CR1L: variants seen among roughly 807,000 people sequenced by gnomAD.
CR1L encodes the protein complement C3b/C4b receptor 1 like.
CR1L carries 59 observed loss-of-function variants against 62.3 expected under a neutral mutation model. That is an observed-to-expected ratio of 0.95 (90% CI 0.77 to 1.18). The LOEUF is 1.18. Among genes scored for constraint, CR1L ranks in the 50% most tolerant of loss-of-function variants. The pLI is 0.00. For missense variants in CR1L, 700 were observed against 702.8 expected (o/e 1.00, Z 0.04); for synonymous variants, 279 against 248.7 (o/e 1.12, Z -1.15).
intron 1 of CR1L, among the ~76,000 whole-genome samples, chr1:207,646,024 G>A (rs2102434717): frequency 6.6e-6 from 1 of 152,256 alleles, no homozygotes; most frequent in Non-Finnish European, 1.5e-5. Context: ...TGGGGTTAGA[G>A]AGGTGGTAAG....
intron 1 of CR1L, chr1:207,669,042 A>T (rs1397795732): frequency 9.2e-6 from 2 of 216,862 alleles, no homozygotes; most frequent in Non-Finnish European, 1.8e-5. Context: ...CAGGCATTTC[A>T]TTAGCTGACC....
chr1:207,691,901 T>C (rs1195516804), intron 4 of CR1L, among the ~76,000 whole-genome samples: 1 of 152,208 alleles, frequency 6.6e-6, no homozygotes, highest in Non-Finnish European at 1.5e-5. Context: ...CAGGCAGCCT[T>C]CCAAGCCAAA....
chr1:207,700,127 G>C (rs1664168684), intron 8 of CR1L, among the ~76,000 whole-genome samples: 2 of 152,068 alleles, frequency 1.3e-5, no homozygotes, highest in South Asian at 2.1e-4. Flanking sequence ...ATAGAACTTT[G>C]CTTCATTTCT....
At chr1:207,699,460 C>A (rs533207889) in intron 8 of CR1L, among the ~76,000 whole-genome samples, 186 bp downstream of exon 8, 19 of 152,308 alleles carry the variant, frequency 1.2e-4, no homozygotes, top group Admixed American at 3.9e-4. Flanking sequence ...ACTATCTGAT[C>A]TGTCTCTGTC....
intron 10 of CR1L, 70 bp downstream of exon 10, chr1:207,708,333 G>A (rs1260830610): frequency 3.6e-5 from 56 of 1,557,604 alleles, no homozygotes; most frequent in Middle Eastern, 2.3e-4. Flanking sequence ...GAATTACAAA[G>A]AATGAATCTC....
At chr1:207,660,552 T>C (rs1174604127) in intron 1 of CR1L, among the ~76,000 whole-genome samples, 1 of 152,246 alleles carries the variant, frequency 6.6e-6, no homozygotes, top group Admixed American at 6.5e-5. Flanking sequence ...TTTATTAGTC[T>C]TGCTAGCAGT....
At chr1:207,686,817 T>C (rs542150959) in intron 4 of CR1L, among the ~76,000 whole-genome samples, 1 of 152,204 alleles carries the variant, frequency 6.6e-6, no homozygotes, top group South Asian at 2.1e-4. Context: ...GTGAGGCCTT[T>C]GGAAGGTGAT....
chr1:207,655,340 A>G, intron 1 of CR1L: 1 of 423,174 alleles, frequency 2.4e-6, no homozygotes, highest in Non-Finnish European at 4.4e-6. Context: ...TTTTTGCCTC[A>G]GGGCACCTTT....
intron 8 of CR1L, among the ~76,000 whole-genome samples, chr1:207,701,071 C>A (rs1416932209): frequency 6.6e-6 from 1 of 152,164 alleles, no homozygotes; most frequent in African/African-American, 2.4e-5. Flanking sequence ...GAAATGCTCA[C>A]TTCATGAGAA....
chr1:207,650,339 C>T (rs1663203313), intron 1 of CR1L, among the ~76,000 whole-genome samples: 1 of 152,124 alleles, frequency 6.6e-6, no homozygotes, highest in Non-Finnish European at 1.5e-5. Context: ...GGTTTGCTCT[C>T]CTAAAAGCCA....
At chr1:207,710,308 A>C (rs1039976212) in intron 10 of CR1L, 2 of 908,334 alleles carry the variant, frequency 2.2e-6, no homozygotes, top group East Asian at 2.5e-5. Context: ...GTGCCACTGC[A>C]CTCCAGCCTG....
chr1:207,702,959 C>A (rs1431262150), intron 9 of CR1L, among the ~76,000 whole-genome samples: 1 of 152,160 alleles, frequency 6.6e-6, no homozygotes, highest in Non-Finnish European at 1.5e-5. Flanking sequence ...GGCGGGTTGC[C>A]TGTAGTTCCA....
chr1:207,655,265 A>T, intron 1 of CR1L: 1 of 709,208 alleles, frequency 1.4e-6, no homozygotes, highest in South Asian at 1.6e-5. Context: ...GTAAGCCCCC[A>T]ATATGTGAAA....
chr1:207,662,250 T>C (rs1304550525), intron 1 of CR1L, among the ~76,000 whole-genome samples: 5 of 152,230 alleles, frequency 3.3e-5, no homozygotes, highest in Admixed American at 3.3e-4. Flanking sequence ...GTTTTCCAAC[T>C]TGGTTCCATT....
intron 1 of CR1L, among the ~76,000 whole-genome samples, chr1:207,662,286 A>G (rs977314845): frequency 1.3e-5 from 2 of 152,240 alleles, no homozygotes; most frequent in Admixed American, 6.5e-5. Flanking sequence ...AGGTACACCA[A>G]TCAGACGTAG....
At chr1:207,672,897 A>T (rs6684643) in intron 1 of CR1L, among the ~76,000 whole-genome samples, 57,970 of 152,014 alleles carry the variant, frequency 0.38, 11,180 homozygotes, top group Non-Finnish European at 0.4. Flanking sequence ...TCTAAAATAA[A>T]CTTCACATTC....
At chr1:207,697,931 A>G (rs1664131650) in intron 7 of CR1L, 58 bp downstream of exon 7, 1 of 1,610,366 alleles carries the variant, frequency 6.2e-7, no homozygotes, top group Non-Finnish European at 8.5e-7. Flanking sequence ...GAATTAGTCC[A>G]AAAAGGGGAG....
intron 10 of CR1L, chr1:207,710,430 G>T (rs1664335392): frequency 6.3e-7 from 1 of 1,575,416 alleles, no homozygotes; most frequent in African/African-American, 1.3e-5. Context: ...TATTTCATTA[G>T]CACCGACAGA....
intron 1 of CR1L, among the ~76,000 whole-genome samples, chr1:207,675,225 C>T (rs1663672466): frequency 1.3e-5 from 2 of 151,946 alleles, no homozygotes; most frequent in Admixed American, 1.3e-4. Context: ...ATTGCAACCA[C>T]AAACAATTAT....
Sources: gnomAD v4.1 joint callset for allele counts (sites outside exome capture counted in the v4.1 genomes callset) on GRCh38, gnomAD v4.1.1 for gene constraint, MANE v1.5 for transcripts, NCBI Gene and HGNC (gene_info 2026-07-23, HGNC 2026-07-21) for gene names.